The following COBL variants were observed in gnomAD, a reference collection of about 807,000 sequenced individuals.
COBL encodes cordon-bleu WH2 repeat protein, also known as protein cordon-bleu.
A neutral mutation model predicts 98.8 loss-of-function variants in COBL; 51 were observed. That is an observed-to-expected ratio of 0.52 (90% CI 0.41 to 0.65). The LOEUF (loss-of-function observed/expected upper bound fraction) is 0.65, where lower values mean the gene tolerates loss of function less well. Ranked by LOEUF, COBL falls within the 30% of genes least tolerant of loss-of-function variation. COBL has a pLI of 0.00. For missense variants in COBL, 1,617 were observed against 1,617.5 expected (o/e 1.00, Z 0.01); for synonymous variants, 634 against 651.7 (o/e 0.97, Z 0.41).
rs756455903 is a variant in COBL at position 51,065,112 on chromosome 7, A to G, written c.1096+20054T>C. ...ACCTTCACAGTATTCTAACAAGCAC[A>G]CAGAGGATAGAAAAAAACAAGTGTT... On this transcript the variant is annotated intron_variant, in intron 7 of 12. Transcript: ENST00000265136. 5.8e-6 allele frequency: 4 copies of G among 691,292 alleles called. No homozygotes were observed. The South Asian group carries it at 6.1e-5, about 11-fold the overall frequency. The allele number at this position is 691,292 out of a possible 1,614,324, so 42.8% of individuals were successfully genotyped here. A position where few individuals can be genotyped will look rare whatever the true frequency, so the allele number is the denominator to read the frequency against.
intron 7 of COBL, among the ~76,000 whole-genome samples, chr7:51,049,746 A>G (rs1344429430): frequency 6.6e-6 from 1 of 152,190 alleles, no homozygotes; most frequent in Non-Finnish European, 1.5e-5. Flanking sequence ...TGCATGAGAA[A>G]CATCAAATAC....
At chr7:51,273,623 G>C (rs1190773714) in intron 1 of COBL, among the ~76,000 whole-genome samples, 1 of 152,144 alleles carries the variant, frequency 6.6e-6, no homozygotes, top group East Asian at 1.9e-4. Context: ...ATCAGCTCTT[G>C]CCTGTCTGAG....
intron 8 of COBL, chr7:51,034,498 A>G (rs1339253479): frequency 6.6e-6 from 1 of 152,252 alleles, no homozygotes; most frequent in Admixed American, 6.5e-5. Context: ...CAATGTAGTG[A>G]TTTTACTTTC....
intron 1 of COBL, among the ~76,000 whole-genome samples, chr7:51,304,689 C>T (rs1372098036): frequency 6.6e-6 from 1 of 150,940 alleles, no homozygotes; most frequent in Admixed American, 6.6e-5. Context: ...GGAATACTGG[C>T]AGAAAAACAA....
chr7:51,225,306 G>A lies in COBL; in HGVS notation c.42-5362C>T, dbSNP rs139673213. On this transcript the variant is annotated intron_variant, in intron 1 of 12. Coordinates refer to ENST00000265136, the MANE Select transcript of COBL (RefSeq NM_015198.5). ...TCTCAAACATCTGTGCAGATGTCAT[G>A]TGGTTGAGTCTGAGACTCAGATGCA... Among the ~76,000 whole-genome samples, 97 of 152,340 alleles carry A rather than the reference G, an allele frequency of 6.4e-4. 1 individual carries two copies. The highest frequency in any genetic ancestry group is 2.2e-3 in the Admixed American group (34 of 15,308).
intron 1 of COBL, among the ~76,000 whole-genome samples, chr7:51,278,047 C>T (rs754567294): frequency 6.6e-6 from 1 of 152,244 alleles, no homozygotes; most frequent in Non-Finnish European, 1.5e-5. Flanking sequence ...CCCCTAGGGA[C>T]GTCTCAACTA....
rs547916254 is a variant in COBL at position 51,260,504 on chromosome 7, T to A, written c.42-40560A>T. On this transcript the variant is annotated intron_variant, in intron 1 of 12. Coordinates refer to ENST00000265136, the MANE Select transcript of COBL (RefSeq NM_015198.5). ...GTCCATCACTGGTAGGAAACACAGA[T>A]AAACAAACACTCAAGACACCAAGGC... Among the ~76,000 whole-genome samples the A allele has an allele frequency of 7.2e-5, 11 of 152,296 alleles. No homozygotes were observed. The South Asian group carries it at 2.3e-3, about 32-fold the overall frequency.
rs552580258 is a variant in COBL at position 51,250,032 on chromosome 7, G to T, written c.42-30088C>A. Among the ~76,000 whole-genome samples the T allele has an allele frequency of 5.3e-5, 8 of 152,148 alleles. No individual in the cohort carries two copies. In the East Asian group the frequency reaches 1.4e-3, roughly 26 times the overall value. ...CAGGAGAATTACTAGAACCCGGGAG[G>T]TGGAGGTTACAGTAAGCCAAGATCG... On this transcript the variant is annotated intron_variant, in intron 1 of 12. Coordinates refer to ENST00000265136, the MANE Select transcript of COBL (RefSeq NM_015198.5).
chr7:51,111,367 T>C (rs1343053333), intron 6 of COBL, among the ~76,000 whole-genome samples: 1 of 152,206 alleles, frequency 6.6e-6, no homozygotes, highest in Non-Finnish European at 1.5e-5. Context: ...CCCTTCTAAC[T>C]TGGCCTTTTA....
intron 2 of COBL, among the ~76,000 whole-genome samples, chr7:51,194,664 G>C (rs1372382484): frequency 6.6e-6 from 1 of 152,164 alleles, no homozygotes; most frequent in East Asian, 1.9e-4. Flanking sequence ...TCTGACTGGT[G>C]TAAGATGGTA....
At chr7:51,149,119 C>A (rs1035170472) in intron 5 of COBL, among the ~76,000 whole-genome samples, 7 of 152,180 alleles carry the variant, frequency 4.6e-5, no homozygotes, top group Admixed American at 3.3e-4. Flanking sequence ...AGCTACACTG[C>A]TCTGCTGCTT....
intron 6 of COBL, among the ~76,000 whole-genome samples, chr7:51,087,143 C>CAT (rs1478141848): frequency 2.7e-5 from 4 of 145,906 alleles, no homozygotes; most frequent in Non-Finnish European, 4.6e-5. Context: ...CACACAGAGA[C>CAT]ATACACACAC....
At chr7:51,172,467 T>C in intron 5 of COBL, 1 of 1,288,514 alleles carries the variant, frequency 7.8e-7, no homozygotes, top group Non-Finnish European at 1.0e-6. Context: ...TTCAAACCCC[T>C]TCCTGGGGCA....
chr7:51,045,384 G>A (rs184537831), intron 7 of COBL, among the ~76,000 whole-genome samples: 1 of 152,190 alleles, frequency 6.6e-6, no homozygotes, highest in African/African-American at 2.4e-5. Flanking sequence ...CAAGCATGTG[G>A]GCTCTCTGGC....
intron 6 of COBL, among the ~76,000 whole-genome samples, chr7:51,102,783 C>T (rs1011270246): frequency 6.6e-6 from 1 of 152,172 alleles, no homozygotes; most frequent in Non-Finnish European, 1.5e-5. Flanking sequence ...ATGTGGGTCT[C>T]CTCAGTGCCA....
At position 51,316,639 on chromosome 7, in the gene COBL, C is replaced by T; in HGVS notation, c.-6G>A. The stretch of plus-strand genomic sequence containing the variant: ...GAGGCGCGCGGCGCGTCCATGGTGC[C>T]GGGGGCCGGGACGCGGGCGGTGCTC... On this transcript the variant is annotated 5_prime_UTR_variant, in exon 1 of 13. Transcript: ENST00000265136. 2.5e-6 allele frequency: 3 copies of T among 1,197,556 alleles called. No individual in the cohort carries two copies. The highest frequency in any genetic ancestry group is 4.5e-5 in the Admixed American group (1 of 22,448). The allele number at this position is 1,197,556 out of a possible 1,614,324, so 74.2% of individuals were successfully genotyped here. A position where few individuals can be genotyped will look rare whatever the true frequency, so the allele number is the denominator to read the frequency against.
intron 2 of COBL, among the ~76,000 whole-genome samples, chr7:51,197,964 T>C (rs777661787): frequency 6.6e-6 from 1 of 152,220 alleles, no homozygotes; most frequent in Non-Finnish European, 1.5e-5. Flanking sequence ...TGGTTCTTTA[T>C]CCAGCTTACT....
intron 7 of COBL, among the ~76,000 whole-genome samples, chr7:51,062,439 A>C (rs1366222952): frequency 2.0e-5 from 3 of 152,094 alleles, no homozygotes; most frequent in African/African-American, 7.2e-5. Flanking sequence ...CTTAAGTCAG[A>C]GCCATGGTGT....
chr7:51,307,962 G>A (rs955772761), intron 1 of COBL, among the ~76,000 whole-genome samples: 40 of 152,326 alleles, frequency 2.6e-4, no homozygotes, highest in African/African-American at 8.9e-4. Context: ...CCATTATCAC[G>A]TAATAAGTGG....
Sources: gnomAD v4.1 joint callset for allele counts (sites outside exome capture counted in the v4.1 genomes callset) on GRCh38, gnomAD v4.1.1 for gene constraint, MANE v1.5 for transcripts, NCBI Gene and HGNC (gene_info 2026-07-23, HGNC 2026-07-21) for gene names.